AOX1: variants seen among roughly 807,000 people sequenced by gnomAD.
AOX1 encodes aldehyde oxidase 1, also known as aldehyde oxidase.
A neutral mutation model predicts 169.5 loss-of-function variants in AOX1; 153 were observed. The ratio of observed to expected loss-of-function variants is 0.90; its 90% CI spans 0.79 to 1.03. AOX1 has a LOEUF of 1.03. Among genes scored for constraint, AOX1 ranks in the 50% least tolerant of loss-of-function variants. AOX1 has a pLI of 0.00. For synonymous variants in AOX1, 562 were observed against 581.9 expected, an observed-to-expected ratio of 0.97 and a Z score of 0.49; for missense variants, 1,656 against 1,663.9, an observed-to-expected ratio of 1.00 and a Z score of 0.08.
At chr2:200,645,499 A>G (rs980723160) in intron 25 of AOX1, among the ~76,000 whole-genome samples, 4 of 152,116 alleles carry the variant, frequency 2.6e-5, no homozygotes, top group African/African-American at 9.7e-5. Context: ...TTTAGCATCA[A>G]TGTTCATCAA....
At chr2:200,642,281 C>G (rs1284205683) in intron 24 of AOX1, among the ~76,000 whole-genome samples, 1 of 152,114 alleles carries the variant, frequency 6.6e-6, no homozygotes, top group Non-Finnish European at 1.5e-5. Flanking sequence ...TCACTGTCTT[C>G]CAGGATATTA....
chr2:200,630,554 GGAAGGAAGGAAGGAAGGA>G, intron 20 of AOX1, among the ~76,000 whole-genome samples: 1 of 45,790 alleles, frequency 2.2e-5, no homozygotes. Context: ...AAGGGAGGAA[GGAAGGAAGGAAGGAAGGA>G]AGGAAGGAAG....
intron 14 of AOX1, among the ~76,000 whole-genome samples, chr2:200,613,515 A>C (rs934577472): frequency 6.6e-6 from 1 of 152,186 alleles, no homozygotes; most frequent in Non-Finnish European, 1.5e-5. Context: ...ATTAGTGAGT[A>C]AATGAGGGTC....
intron 25 of AOX1, among the ~76,000 whole-genome samples, chr2:200,644,980 A>G (rs1308370746): frequency 2.0e-5 from 3 of 152,114 alleles, no homozygotes; most frequent in Non-Finnish European, 4.4e-5. Context: ...AAATGATTAT[A>G]TCGTCAGCAA....
intron 1 of AOX1, among the ~76,000 whole-genome samples, chr2:200,589,486 C>A (rs909133716): frequency 5.3e-5 from 8 of 152,092 alleles, no homozygotes; most frequent in Non-Finnish European, 8.8e-5. Flanking sequence ...TGCCACTTGG[C>A]GGGTCTGGGG....
intron 14 of AOX1, 58 bp from the exon 15 acceptor site, chr2:200,613,746 T>G: frequency 2.0e-6 from 3 of 1,507,538 alleles, no homozygotes; most frequent in Non-Finnish European, 2.7e-6. Context: ...ACCCATTAGA[T>G]GAAGATATGG....
chr2:200,611,238 G>T, intron 12 of AOX1, 146 bp from the exon 13 acceptor site: 1 of 655,208 alleles, frequency 1.5e-6, no homozygotes, highest in Non-Finnish European at 2.7e-6. Context: ...GCATTATAGG[G>T]TAAAAGATTT....
rs2035027503 is a variant in AOX1, at chr2:200,627,385, A to G, written c.2157A>G (p.Pro719=). ...ESIQHNSSFK[P]ERKLEYGNVD... ...TACAACACAACTCCTCCTTCAAGCCAGAAAGGAAACTGGAATATGGAAATG... is the reference window on the plus strand; with the variant it reads ...TACAACACAACTCCTCCTTCAAGCCGGAAAGGAAACTGGAATATGGAAATG... Residue 719 remains proline, a synonymous_variant, in exon 20 of 35, where the codon CCA becomes CCG. Coordinates refer to ENST00000374700, the MANE Select transcript of AOX1 (RefSeq NM_001159.4). The G allele has an allele frequency of 6.2e-7, 1 of 1,613,778 alleles. No homozygotes were observed. Among genetic ancestry groups the G allele is most frequent in the Non-Finnish European group, 8.5e-7 (1 of 1,179,814 alleles).
chr2:200,645,518 G>C (rs1331236158), intron 25 of AOX1, among the ~76,000 whole-genome samples: 3 of 152,240 alleles, frequency 2.0e-5, no homozygotes, highest in African/African-American at 7.2e-5. Context: ...AAGGATATTG[G>C]TCTGTAGTTT....
chr2:200,594,602 A>G (rs2034241311), intron 2 of AOX1, among the ~76,000 whole-genome samples: 1 of 152,216 alleles, frequency 6.6e-6, no homozygotes, highest in South Asian at 2.1e-4. Flanking sequence ...GAGCAAAGAA[A>G]GAAGCACCCC....
At chr2:200,661,776 T>A in intron 30 of AOX1, 145 bp downstream of exon 30, 1 of 642,738 alleles carries the variant, frequency 1.6e-6, no homozygotes, top group Non-Finnish European at 2.8e-6. Context: ...TGCTAGTTAA[T>A]CCATGGTTGT....
chr2:200,609,225 C>CA (rs1054935941), intron 11 of AOX1, 90 bp downstream of exon 11: 56 of 1,585,092 alleles, frequency 3.5e-5, no homozygotes, highest in Admixed American at 1.2e-4. Context: ...TTGGAACAGA[C>CA]AAAAAAAATA....
intron 7 of AOX1, 89 bp downstream of exon 7, chr2:200,603,445 T>TC: frequency 1.0e-6 from 1 of 973,152 alleles, no homozygotes; most frequent in Middle Eastern, 2.1e-4. Flanking sequence ...GCTACCCAAG[T>TC]TGACTAACTT....
chr2:200,655,117 A>G (rs2105762408), intron 26 of AOX1, among the ~76,000 whole-genome samples: 1 of 152,364 alleles, frequency 6.6e-6, no homozygotes, highest in South Asian at 2.1e-4. Flanking sequence ...TGGAGTCTAC[A>G]AGATTAAGAA....
chr2:200,594,782 A>G (rs1234096527), intron 2 of AOX1, among the ~76,000 whole-genome samples: 1 of 152,212 alleles, frequency 6.6e-6, no homozygotes, highest in African/African-American at 2.4e-5. Context: ...TCTATTTCTA[A>G]GGAATTATGA....
At chr2:200,666,339 G>A (rs1258479537) in intron 31 of AOX1, among the ~76,000 whole-genome samples, 3 of 152,124 alleles carry the variant, frequency 2.0e-5, no homozygotes, top group African/African-American at 4.8e-5. Context: ...GGATCGTGAG[G>A]GCCATAGATG....
chr2:200,602,407 T>G, intron 6 of AOX1, 62 bp downstream of exon 6: 1 of 1,444,790 alleles, frequency 6.9e-7, no homozygotes, highest in East Asian at 2.3e-5. Context: ...TGGTAATGGT[T>G]GTCAGTGATT....
intron 26 of AOX1, among the ~76,000 whole-genome samples, chr2:200,652,251 C>A (rs1429567183): frequency 6.6e-6 from 1 of 152,132 alleles, no homozygotes; most frequent in African/African-American, 2.4e-5. Context: ...CATTTGCATG[C>A]AGCTTTGATT....
chr2:200,616,776 C>T (rs1199201697), intron 16 of AOX1, among the ~76,000 whole-genome samples: 1 of 152,102 alleles, frequency 6.6e-6, no homozygotes, highest in East Asian at 1.9e-4. Flanking sequence ...GGAAACTTGA[C>T]CTCGAGAGTT....
Sources: allele counts gnomAD v4.1 joint callset (sites outside exome capture counted in the v4.1 genomes callset), GRCh38; gene constraint gnomAD v4.1.1; transcripts MANE v1.5; gene names NCBI Gene and HGNC (gene_info 2026-07-23, HGNC 2026-07-21).